Variants in OPCML observed in about 807,000 individuals in gnomAD.
OPCML encodes the protein opioid-binding protein/cell adhesion molecule.
A neutral mutation model predicts 37.8 loss-of-function variants in OPCML; 13 were observed. The observed-to-expected ratio is 0.34, with a 90% confidence interval of 0.22 to 0.55. OPCML has a LOEUF of 0.55. Ranked by LOEUF, OPCML falls within the 20% of genes least tolerant of loss-of-function variation. OPCML has a pLI of 0.91. For missense variants in OPCML, 341 were observed against 435.6 expected, an observed-to-expected ratio of 0.78 and a Z score of 1.93; for synonymous variants, 176 against 168.8, an observed-to-expected ratio of 1.04 and a Z score of -0.33.
At chr11:132,991,161 G>A (rs748126777) in intron 1 of OPCML, among the ~76,000 whole-genome samples, 2 of 152,120 alleles carry the variant, frequency 1.3e-5, no homozygotes, top group African/African-American at 2.4e-5. Context: ...GTCACACAAG[G>A]CATCTCCCCA....
At chr11:133,178,009 A>T (rs1937637266) in intron 1 of OPCML, among the ~76,000 whole-genome samples, 1 of 152,200 alleles carries the variant, frequency 6.6e-6, no homozygotes, top group Non-Finnish European at 1.5e-5. Flanking sequence ...TTTTGTCAAT[A>T]CACATATTCC....
chr11:132,982,366 G>T (rs1946605732), intron 1 of OPCML, among the ~76,000 whole-genome samples: 1 of 151,958 alleles, frequency 6.6e-6, no homozygotes, highest in Non-Finnish European at 1.5e-5. Flanking sequence ...AGTTCCTTGG[G>T]TGTTTGTCTC....
In OPCML at chr11:132,554,518, G is replaced by T. The variant is rs142352071; in HGVS notation, c.380-25332C>A. Among the ~76,000 whole-genome samples, 574 of 152,304 alleles carry T rather than the reference G, an allele frequency of 3.8e-3. 2 individuals carry two copies. The highest frequency in any genetic ancestry group is 0.013 in the African/African-American group (527 of 41,570). Reference sequence around the variant, plus strand: ...CTTGTAAATCTTCCCTTTGTCAGAAGAGCCATGACTGGTCACAAAACAAGT... The same window carrying T: ...CTTGTAAATCTTCCCTTTGTCAGAATAGCCATGACTGGTCACAAAACAAGT... On this transcript the variant is annotated intron_variant, in intron 3 of 7. Coordinates refer to ENST00000524381, the MANE Select transcript of OPCML (RefSeq NM_001012393.5).
At chr11:132,481,135 A>G (rs1335444420) in intron 4 of OPCML, among the ~76,000 whole-genome samples, 4 of 152,236 alleles carry the variant, frequency 2.6e-5, no homozygotes, top group Admixed American at 1.3e-4. Context: ...GACAAATTGG[A>G]TAAAGAGTCA....
intron 2 of OPCML, among the ~76,000 whole-genome samples, chr11:132,663,364 C>T (rs1942070230): frequency 6.6e-6 from 1 of 152,176 alleles, no homozygotes; most frequent in African/African-American, 2.4e-5. Flanking sequence ...TGTCTTTCTG[C>T]AGGATAACTG....
At chr11:132,668,556 G>A (rs902193021) in intron 2 of OPCML, among the ~76,000 whole-genome samples, 4 of 152,174 alleles carry the variant, frequency 2.6e-5, no homozygotes, top group African/African-American at 9.7e-5. Context: ...GGTAAATAGT[G>A]CCTGCTCTAT....
In OPCML at chr11:133,140,186, C is replaced by CGATAAT. The variant is rs375572737; in HGVS notation, c.62-197177_62-197176insATTATC. 1.5e-3 allele frequency among the ~76,000 whole-genome samples: 186 copies of CGATAAT among 124,804 alleles called. 2 individuals carry two copies. The highest frequency in any genetic ancestry group is 0.015 in the Admixed American group (173 of 11,824). The allele number at this position is 124,804 out of a possible 152,430, so 81.9% of individuals were successfully genotyped here. The stretch of plus-strand genomic sequence containing the variant: ...TGGGCGACAGAGTGAGACTCCGTCT[C>CGATAAT]AATAATAATAATAATAATAATAATA... On this transcript the variant is annotated intron_variant, in intron 1 of 7. Transcript: ENST00000524381.
At chr11:132,856,008 T>C (rs771390560) in intron 2 of OPCML, among the ~76,000 whole-genome samples, 8 of 152,204 alleles carry the variant, frequency 5.3e-5, no homozygotes, top group Admixed American at 5.2e-4. Flanking sequence ...TCACTGTAGA[T>C]TCCATTTCAA....
intron 1 of OPCML, among the ~76,000 whole-genome samples, chr11:133,210,511 T>C (rs972191701): frequency 6.6e-6 from 1 of 152,182 alleles, no homozygotes; most frequent in African/African-American, 2.4e-5. Context: ...AAAACTTATA[T>C]GTATCATGTA....
chr11:133,329,283 C>T (rs1336358562), intron 1 of OPCML, among the ~76,000 whole-genome samples: 1 of 152,122 alleles, frequency 6.6e-6, no homozygotes, highest in Non-Finnish European at 1.5e-5. Flanking sequence ...GATTCAATGC[C>T]ATCCCCATCA....
At chr11:133,475,166 T>G (rs1947211904) in intron 1 of OPCML, among the ~76,000 whole-genome samples, 2 of 152,102 alleles carry the variant, frequency 1.3e-5, no homozygotes, top group African/African-American at 2.4e-5. Flanking sequence ...GAAATGTTTG[T>G]TTTTTATTTT....
At chr11:133,438,445 A>C (rs1946290125) in intron 1 of OPCML, among the ~76,000 whole-genome samples, 1 of 152,230 alleles carries the variant, frequency 6.6e-6, no homozygotes, top group Non-Finnish European at 1.5e-5. Context: ...GTATATCAGC[A>C]ATCACAGAAA....
chr11:132,616,595 G>A (rs925537958), intron 3 of OPCML, among the ~76,000 whole-genome samples: 8 of 152,116 alleles, frequency 5.3e-5, no homozygotes, highest in African/African-American at 1.9e-4. Flanking sequence ...TTTTATTCCT[G>A]GGAGTATACA....
At chr11:133,298,149 A>T (rs1027121622) in intron 1 of OPCML, 1 of 151,978 alleles carries the variant, frequency 6.6e-6, no homozygotes. Context: ...TCAAAATCAC[A>T]CTCATGTCTA....
At chr11:132,974,925 TTACTC>T (rs961468938) in intron 1 of OPCML, among the ~76,000 whole-genome samples, 1 of 151,726 alleles carries the variant, frequency 6.6e-6, no homozygotes, top group African/African-American at 2.4e-5. Flanking sequence ...TCTCGTCTGT[TTACTC>T]TATACTTTCT....
In OPCML at chr11:132,815,738, T is replaced by C. The variant is rs191471192; in HGVS notation, c.146+127188A>G. ...GAGATGGTTTTAAAATTCTTATTCA[T>C]TGATTTATTTTCTTCAAAAACTCAT... On this transcript the variant is annotated intron_variant, in intron 2 of 7. Coordinates refer to ENST00000524381, the MANE Select transcript of OPCML (RefSeq NM_001012393.5). Among the ~76,000 whole-genome samples the C allele has an allele frequency of 1.3e-3, 197 of 152,334 alleles. 1 individual carries two copies. The highest frequency in any genetic ancestry group is 4.5e-3 in the African/African-American group (186 of 41,582).
chr11:133,284,847 A>G (rs1592166436), intron 1 of OPCML, among the ~76,000 whole-genome samples: 1 of 152,164 alleles, frequency 6.6e-6, no homozygotes, highest in Non-Finnish European at 1.5e-5. Context: ...TAATTTAAAA[A>G]TTTAAATGAG....
Position 132,642,354 on chromosome 11 carries a change from A to G in OPCML, c.379+14733T>C, listed in dbSNP as rs2135725330. On this transcript the variant is annotated intron_variant, in intron 3 of 7. Coordinates refer to ENST00000524381, the MANE Select transcript of OPCML (RefSeq NM_001012393.5). ...CATGAGATTATAAAATTATGACAAC[A>G]ATATCAAAACTAGTTATAAGAAGAA... Among the ~76,000 whole-genome samples the G allele has an allele frequency of 2.0e-5, 3 of 152,348 alleles. 1 individual carries two copies. In the South Asian group the frequency reaches 6.2e-4, roughly 32 times the overall value.
chr11:132,958,152 A>G (rs1946009718), intron 1 of OPCML, among the ~76,000 whole-genome samples: 1 of 152,248 alleles, frequency 6.6e-6, no homozygotes. Context: ...TCCAGTGAAC[A>G]CACAAATGAT....
Sources: allele counts gnomAD v4.1 joint callset (sites outside exome capture counted in the v4.1 genomes callset), GRCh38; gene constraint gnomAD v4.1.1; transcripts MANE v1.5; gene names NCBI Gene and HGNC (gene_info 2026-07-23, HGNC 2026-07-21).